Variants in ADPGK observed in about 807,000 individuals in gnomAD.
ADPGK encodes ADP-dependent glucokinase.
Under a neutral mutation model 42.4 loss-of-function variants are expected in ADPGK, and 26 were observed. That is an observed-to-expected ratio of 0.61 (90% CI 0.45 to 0.85). ADPGK has a LOEUF of 0.85. Ranked by LOEUF, ADPGK falls within the 40% of genes least tolerant of loss-of-function variation. The pLI, the probability that ADPGK is intolerant of heterozygous loss-of-function variation, is 0.00. For missense variants in ADPGK, 571 were observed against 627.0 expected, an observed-to-expected ratio of 0.91 and a Z score of 0.95; for synonymous variants, 267 against 252.6, an observed-to-expected ratio of 1.06 and a Z score of -0.54.
chr15:72,761,014 C>T (rs2066186181), intron 3 of ADPGK, among the ~76,000 whole-genome samples: 1 of 152,130 alleles, frequency 6.6e-6, no homozygotes, highest in African/African-American at 2.4e-5. Context: ...CTCCCCCCAC[C>T]GCATGCACCA....
Position 72,760,501 on chromosome 15 carries a change from T to G in ADPGK, c.549A>C (p.Pro183=), listed in dbSNP as rs778325963. The G allele has an allele frequency of 6.2e-7, 1 of 1,607,218 alleles. No individual in the cohort carries two copies. Among genetic ancestry groups the G allele is most frequent in the South Asian group, 1.1e-5 (1 of 90,692 alleles). The change falls in exon 4 of 7, where the codon CCA becomes CCC. Residue 183 remains proline (P), a synonymous_variant. Coordinates refer to ENST00000456471, the MANE Select transcript of ADPGK (RefSeq NM_001365225.1). ...LKVLLCGPVG[P]KLHELLDDNV... is the part of the protein sequence containing the mutation. ...TGTCATCAAGAAGCTCATGTAGCTT[T>G]GGACCAACTGGACCGCAAAGAAGAA...
chr15:72,752,984 G>T, intron 6 of ADPGK, 89 bp from the exon 7 acceptor site: 2 of 1,341,752 alleles, frequency 1.5e-6, no homozygotes, highest in Non-Finnish European at 2.0e-6. Flanking sequence ...AAATGACAGG[G>T]AACACAGGCA....
At chr15:72,756,088 A>G (rs1404448320) in intron 5 of ADPGK, 163 bp downstream of exon 5, 5 of 790,142 alleles carry the variant, frequency 6.3e-6, no homozygotes, top group Non-Finnish European at 8.7e-6. Flanking sequence ...GAAGGGATAC[A>G]GTGAGGTGCC....
At chr15:72,764,216 CA>C (rs1467455171) in intron 3 of ADPGK, among the ~76,000 whole-genome samples, 3 of 152,120 alleles carry the variant, frequency 2.0e-5, no homozygotes, top group African/African-American at 7.2e-5. Context: ...TGCTGTTAGC[CA>C]AGTTGTGAAT....
chr15:72,770,088 A>G (rs1437263406), intron 3 of ADPGK, among the ~76,000 whole-genome samples: 2 of 152,222 alleles, frequency 1.3e-5, no homozygotes, highest in African/African-American at 4.8e-5. Context: ...CAGAAAGTTA[A>G]ACTGAGTCTC....
chr15:72,764,326 A>G (rs1273497193), intron 3 of ADPGK, among the ~76,000 whole-genome samples: 1 of 152,246 alleles, frequency 6.6e-6, no homozygotes, highest in East Asian at 1.9e-4. Flanking sequence ...AACAAAAGGA[A>G]AGCAAAACAG....
chr15:72,777,940 A>G (rs777748107), intron 1 of ADPGK, among the ~76,000 whole-genome samples: 2 of 152,064 alleles, frequency 1.3e-5, no homozygotes, highest in Admixed American at 6.5e-5. Context: ...AGTTTACTTG[A>G]TAACTTTTTA....
intron 6 of ADPGK, among the ~76,000 whole-genome samples, chr15:72,754,812 G>A (rs1034946355): frequency 6.6e-6 from 1 of 152,134 alleles, no homozygotes; most frequent in Non-Finnish European, 1.5e-5. Flanking sequence ...GTATTCAGTA[G>A]GCTATGCTAT....
At chr15:72,780,562 A>G (rs2066445241) in intron 1 of ADPGK, among the ~76,000 whole-genome samples, 1 of 152,222 alleles carries the variant, frequency 6.6e-6, no homozygotes, top group Non-Finnish European at 1.5e-5. Flanking sequence ...TCAGAGGCCA[A>G]GATGGGAGGC....
intron 1 of ADPGK, among the ~76,000 whole-genome samples, chr15:72,776,511 TAC>T (rs1350121627): frequency 6.6e-6 from 1 of 152,206 alleles, no homozygotes; most frequent in Non-Finnish European, 1.5e-5. Flanking sequence ...TGGTGTAAAA[TAC>T]ATAGTTGTAT....
chr15:72,769,472 A>T (rs926586977), intron 3 of ADPGK, among the ~76,000 whole-genome samples: 1 of 152,102 alleles, frequency 6.6e-6, no homozygotes, highest in African/African-American at 2.4e-5. Context: ...CAGCCTCCTG[A>T]GTAGTTGGGA....
chr15:72,753,056 C>T (rs147793683), intron 6 of ADPGK, among the ~76,000 whole-genome samples, 161 bp from the exon 7 acceptor site: 190 of 152,306 alleles, frequency 1.2e-3, no homozygotes, highest in African/African-American at 4.3e-3. Context: ...AGCTATCACA[C>T]CCCTATCTTC....
intron 1 of ADPGK, among the ~76,000 whole-genome samples, chr15:72,775,488 C>T (rs530168519): frequency 6.6e-5 from 10 of 152,228 alleles, no homozygotes; most frequent in Non-Finnish European, 1.3e-4. Flanking sequence ...TCGGTTTCCT[C>T]ATCCACAAAA....
chr15:72,755,095 G>T (rs4776612), intron 6 of ADPGK, among the ~76,000 whole-genome samples: 4 of 152,188 alleles, frequency 2.6e-5, no homozygotes, highest in Non-Finnish European at 5.9e-5. Context: ...GCTGGCATGC[G>T]AACCCAGGTC....
rs191471057 is a variant in ADPGK at position 72,771,761 on chromosome 15, T to G, written c.522+22A>C. The G allele has an allele frequency of 1.8e-4, 284 of 1,601,664 alleles. 2 individuals are homozygous for G. Among genetic ancestry groups the G allele is most frequent in the Admixed American group, 1.0e-3 (60 of 57,572 alleles). ...GAAACACTAGGGAAAGGCATAGGTT[T>G]TAATCTAAAAACTTGACCTACCTTT... is the stretch of plus-strand genomic sequence containing the variant. On this transcript the variant is annotated intron_variant, in intron 3 of 6. Coordinates refer to ENST00000456471, the MANE Select transcript of ADPGK (RefSeq NM_001365225.1).
At chr15:72,765,083 A>G (rs1329139077) in intron 3 of ADPGK, among the ~76,000 whole-genome samples, 1 of 152,014 alleles carries the variant, frequency 6.6e-6, no homozygotes, top group Non-Finnish European at 1.5e-5. Context: ...ATGTATAAGG[A>G]GAAGGATGAT....
At chr15:72,770,863 T>C (rs957495172) in intron 3 of ADPGK, among the ~76,000 whole-genome samples, 5 of 152,194 alleles carry the variant, frequency 3.3e-5, no homozygotes, top group African/African-American at 1.2e-4. Context: ...TCTGAGTTCA[T>C]CTCTGGCTTC....
chr15:72,776,642 T>G (rs1197730820), intron 1 of ADPGK, among the ~76,000 whole-genome samples: 1 of 152,216 alleles, frequency 6.6e-6, no homozygotes, highest in African/African-American at 2.4e-5. Flanking sequence ...TAAAATGACA[T>G]AACTTTAAAA....
intron 3 of ADPGK, among the ~76,000 whole-genome samples, chr15:72,763,769 C>A (rs569568909): frequency 6.6e-6 from 1 of 152,240 alleles, no homozygotes; most frequent in South Asian, 2.1e-4. Flanking sequence ...TTGTGGCAAC[C>A]CTGTGGTCCC....
Sources: gnomAD v4.1 joint callset for allele counts (sites outside exome capture counted in the v4.1 genomes callset) on GRCh38, gnomAD v4.1.1 for gene constraint, MANE v1.5 for transcripts, NCBI Gene and HGNC (gene_info 2026-07-23, HGNC 2026-07-21) for gene names.